The following PTDSS2 variants were observed in gnomAD, a reference collection of about 807,000 sequenced individuals.
The protein encoded by PTDSS2 is phosphatidylserine synthase 2.
In PTDSS2, 41 loss-of-function variants were observed where a neutral mutation model predicts 64.7. That is an observed-to-expected ratio of 0.63 (90% CI 0.49 to 0.82). The LOEUF is 0.82. Among genes scored for constraint, PTDSS2 ranks in the 40% least tolerant of loss-of-function variants. The pLI, the probability that PTDSS2 is intolerant of heterozygous loss-of-function variation, is 0.00. For synonymous variants in PTDSS2, 297 were observed against 277.8 expected (o/e 1.07, Z -0.69); for missense variants, 485 against 650.0 (o/e 0.75, Z 2.76).
At position 470,714 on chromosome 11, in the gene PTDSS2, C is replaced by T. The variant is rs188125417; in HGVS notation, c.285-3181C>T. Among the ~76,000 whole-genome samples, 207 of 152,152 alleles carry T rather than the reference C, an allele frequency of 1.4e-3. 2 individuals carry two copies. The highest frequency in any genetic ancestry group is 4.7e-3 in the African/African-American group (196 of 41,506). ...AAGTGATTCTCCTGCCTCAGCCTCCCGAGTAGCTGGGATTACAGGTGCCTG... is the reference window on the plus strand; with the variant it reads ...AAGTGATTCTCCTGCCTCAGCCTCCTGAGTAGCTGGGATTACAGGTGCCTG... On this transcript the variant is annotated intron_variant, in intron 2 of 11. Transcript: ENST00000308020. This position sits in a 1 kb window ranked among gnomAD's most constrained non-coding sequence, Gnocchi z 5.3.
Position 489,904 on chromosome 11 carries a change from C to A in PTDSS2, c.1137C>A (p.Gly379=), listed in dbSNP as rs1848590536. The change falls in exon 11 of 12, where the codon GGC becomes GGA. Residue 379 remains glycine (G), a synonymous_variant. Transcript: ENST00000308020. ...MDDPKPHKKL[G]PQAWLVAAIT... ...GCAGGAAGCCCCACAAGAAGCTGGGCCCGCAGGCCTGGCTGGTGGCGGCCA... is the reference window on the plus strand; with the variant it reads ...GCAGGAAGCCCCACAAGAAGCTGGGACCGCAGGCCTGGCTGGTGGCGGCCA... The A allele has an allele frequency of 1.3e-6, 2 of 1,597,472 alleles. No individual in the cohort carries two copies. The highest frequency in any genetic ancestry group is 1.8e-5 in the Admixed American group (1 of 57,042).
chr11:482,741 G>A (rs574070728), intron 4 of PTDSS2, among the ~76,000 whole-genome samples: 211 of 152,058 alleles, frequency 1.4e-3, no homozygotes, highest in Non-Finnish European at 2.2e-3. Context: ...TGAGTTTTTT[G>A]TAGATCTCCC....
In PTDSS2 at chr11:450,521, G is replaced by A. The variant is rs1369287704; in HGVS notation, c.66G>A (p.Arg22=). 2 of 1,240,308 alleles carry A rather than the reference G, an allele frequency of 1.6e-6. No individual in the cohort carries two copies. Among genetic ancestry groups the A allele is most frequent in the Middle Eastern group, 3.1e-4 (1 of 3,212 alleles). The allele number at this position is 1,240,308 out of a possible 1,614,324, so 76.8% of individuals were successfully genotyped here. The change falls in exon 1 of 12, where the codon AGG becomes AGA. Residue 22 remains arginine, a synonymous_variant. Coordinates refer to ENST00000308020, the MANE Select transcript of PTDSS2 (RefSeq NM_030783.3). The stretch of plus-strand genomic sequence containing the variant: ...CCGAGTCCCCGGTGCCCGCGGGCAG[G>A]GCCTCGCTGGAGGAGCCGCCTGACG... ...PRPESPVPAG[R]ASLEEPPDGP...
rs1392050002 is a variant in PTDSS2, at chr11:476,720, G to A, written c.368-2365G>A. 1.3e-5 allele frequency among the ~76,000 whole-genome samples: 2 copies of A among 152,182 alleles called. No homozygotes were observed. Among genetic ancestry groups the A allele is most frequent in the East Asian group, 1.9e-4 (1 of 5,192 alleles). On this transcript the variant is annotated intron_variant, in intron 3 of 11. Coordinates refer to ENST00000308020, the MANE Select transcript of PTDSS2 (RefSeq NM_030783.3). This position sits in a 1 kb window ranked among gnomAD's most constrained non-coding sequence, Gnocchi z 4.9. The stretch of plus-strand genomic sequence containing the variant: ...AGGTCTTGGCGCTTCCAAAAGCTCC[G>A]GCCGCGGCGTCTCTTGAGTTGTGGC...
At chr11:463,686 A>G (rs971799225) in intron 2 of PTDSS2, 2 of 151,540 alleles carry the variant, frequency 1.3e-5, no homozygotes, top group Non-Finnish European at 2.9e-5. Context: ...AGCTGGGACT[A>G]CAGGTGCCCG....
rs181675803 is a variant in PTDSS2 at position 454,359 on chromosome 11, G to A, written c.182+3722G>A. Among the ~76,000 whole-genome samples the A allele has an allele frequency of 3.9e-4, 60 of 152,288 alleles. 1 individual carries two copies. The East Asian group carries it at 9.8e-3, about 25-fold the overall frequency. On this transcript the variant is annotated intron_variant, in intron 1 of 11. Transcript: ENST00000308020. ...GCACATTTACCTGAAGGGGCGAAGG[G>A]TTACCTTTATATTTCAGGTAATCTC...
At chr11:481,822 A>G (rs1310200350) in intron 4 of PTDSS2, among the ~76,000 whole-genome samples, 1 of 151,122 alleles carries the variant, frequency 6.6e-6, no homozygotes, top group Non-Finnish European at 1.5e-5. Flanking sequence ...TTCCTTTCCA[A>G]TCTAGATGTC....
At position 460,113 on chromosome 11, in the gene PTDSS2, T is replaced by G; in HGVS notation, c.183-74T>G. On this transcript the variant is annotated intron_variant, in intron 1 of 11. Transcript: ENST00000308020. The surrounding 1 kb of genome is among the most constrained non-coding windows in gnomAD (Gnocchi z 5.8). ...CCCTCTCCTTGACGTAGAGAGGATT[T>G]GGGGCCTGTTACGTGAGTATTTAGC... 8.5e-7 allele frequency: 1 copy of G among 1,172,496 alleles called. No individual in the cohort carries two copies. Among genetic ancestry groups the G allele is most frequent in the South Asian group, 1.3e-5 (1 of 79,338 alleles). 72.6% of individuals were successfully genotyped at this position (1,172,496 alleles called of 1,614,324 possible). A position where few individuals can be genotyped will look rare whatever the true frequency, so the allele number is the denominator to read the frequency against.
intron 2 of PTDSS2, among the ~76,000 whole-genome samples, chr11:464,457 G>A (rs1264569918): frequency 1.3e-5 from 2 of 152,032 alleles, no homozygotes; most frequent in Non-Finnish European, 2.9e-5. Context: ...ACCCCGGCTC[G>A]GGCAGTGCGG....
intron 2 of PTDSS2, 24 bp from the exon 3 acceptor site, chr11:473,871 G>C: frequency 6.4e-7 from 1 of 1,574,774 alleles, no homozygotes. Flanking sequence ...ACACACTGAG[G>C]GGCTGTTTGT....
At position 489,570 on chromosome 11, in the gene PTDSS2, C is replaced by T. The variant is rs115826821; in HGVS notation, c.970-18C>T. On this transcript the variant is annotated intron_variant, in intron 9 of 11. Transcript: ENST00000308020. Reference sequence around the variant, plus strand: ...CGGGCGGGGGGCCAGAGCTGGTGCTCACCCTCTCCTCCCCTAGTTCCTGTT... The same window carrying T: ...CGGGCGGGGGGCCAGAGCTGGTGCTTACCCTCTCCTCCCCTAGTTCCTGTT... The T allele has an allele frequency of 2.2e-3, 3,519 of 1,607,206 alleles. 92 individuals are homozygous for T. The African/African-American group carries it at 0.042, about 19-fold the overall frequency.
rs1258297409 is a variant in PTDSS2, at chr11:489,895, G to A, written c.1128G>A (p.Lys376=). The change falls in exon 11 of 12, where the codon AAG becomes AAA. Residue 376 remains lysine, a synonymous_variant. Coordinates refer to ENST00000308020, the MANE Select transcript of PTDSS2 (RefSeq NM_030783.3). ...YDFMDDPKPH[K]KLGPQAWLVA... ...GCTGCCCCTGCAGGAAGCCCCACAAGAAGCTGGGCCCGCAGGCCTGGCTGG... is the reference window on the plus strand; with the variant it reads ...GCTGCCCCTGCAGGAAGCCCCACAAAAAGCTGGGCCCGCAGGCCTGGCTGG... 1.9e-6 allele frequency: 3 copies of A among 1,592,440 alleles called. No individual in the cohort carries two copies. Among genetic ancestry groups the A allele is most frequent in the Admixed American group, 1.8e-5 (1 of 56,160 alleles).
Position 460,244 on chromosome 11 carries a change from G to C in PTDSS2, c.240G>C (p.Thr80=), listed in dbSNP as rs77906969. The C allele has an allele frequency of 6.2e-7, 1 of 1,614,150 alleles. No homozygotes were observed. Among genetic ancestry groups the C allele is most frequent in the Admixed American group, 1.7e-5 (1 of 60,004 alleles). ...FILTCTLGYV[T]LLEETPQDTA... ...TCACCTGTACGCTTGGCTATGTGAC[G>C]CTGCTGGAGGAAACACCTCAGGACA... Residue 80 remains threonine, a synonymous_variant, in exon 2 of 12, where the codon ACG becomes ACC. Transcript: ENST00000308020. The surrounding 1 kb of genome is among the most constrained non-coding windows in gnomAD (Gnocchi z 5.8).
At chr11:485,400 G>T (rs189259317) in intron 4 of PTDSS2, among the ~76,000 whole-genome samples, 1 of 144,148 alleles carries the variant, frequency 6.9e-6, no homozygotes, top group Non-Finnish European at 1.5e-5. Flanking sequence ...GTGTGTGCAG[G>T]CGACCGTAAA....
At chr11:477,999 CCT>C (rs1344676891) in intron 3 of PTDSS2, among the ~76,000 whole-genome samples, 1 of 152,214 alleles carries the variant, frequency 6.6e-6, no homozygotes, top group African/African-American at 2.4e-5. Context: ...GCCGTCTTCC[CCT>C]GAGTACGTCG....
rs2133841458 is a variant in PTDSS2, at chr11:488,267, CCTGGAGCACCAG to C, written c.694_705del (p.Glu232_Leu235del). ...TGATGTTCGAGTTCCTGGAGTACAG[CCTGGAGCACCAG>C]CTGCCCAACTTCAGCGAGTGCTGGT... On this transcript the variant is annotated inframe_deletion, in exon 7 of 12. Transcript: ENST00000308020. The C allele has an allele frequency of 1.9e-6, 3 of 1,613,524 alleles. No individual in the cohort carries two copies. In the East Asian group the frequency reaches 6.7e-5, roughly 36 times the overall value.
At chr11:457,511 GTCC>G (rs1482545283) in intron 1 of PTDSS2, among the ~76,000 whole-genome samples, 2 of 152,204 alleles carry the variant, frequency 1.3e-5, no homozygotes, top group African/African-American at 4.8e-5. Context: ...GCCCAAAACA[GTCC>G]TCCTGCCTGG....
chr11:473,748 G>GC, intron 2 of PTDSS2, 147 bp from the exon 3 acceptor site: 2 of 675,588 alleles, frequency 3.0e-6, no homozygotes, highest in South Asian at 3.4e-5. Context: ...CCGCGGCGGA[G>GC]TCGCCCAGCT....
rs1056927030 is a variant in PTDSS2 at position 460,414 on chromosome 11, G to A, written c.284+126G>A. ...CACCAGAGGGCTGCGTGGGGCCGCC[G>A]GCCTCTCCCTTGAGTGTGTCTGATG... On this transcript the variant is annotated intron_variant, in intron 2 of 11. Coordinates refer to ENST00000308020, the MANE Select transcript of PTDSS2 (RefSeq NM_030783.3). This position sits in a 1 kb window ranked among gnomAD's most constrained non-coding sequence, Gnocchi z 5.8. The A allele has an allele frequency of 1.1e-5, 8 of 723,644 alleles. No individual in the cohort carries two copies. Among genetic ancestry groups the A allele is most frequent in the African/African-American group, 1.7e-5 (1 of 57,192 alleles). The allele number at this position is 723,644 out of a possible 1,614,324, so 44.8% of individuals were successfully genotyped here.
Sources: gnomAD v4.1 joint callset for allele counts (sites outside exome capture counted in the v4.1 genomes callset) on GRCh38, gnomAD v4.1.1 for gene constraint, Gnocchi (gnomAD v3.1) non-coding constraint, MANE v1.5 for transcripts, NCBI Gene and HGNC (gene_info 2026-07-23, HGNC 2026-07-21) for gene names.